The following GLDC variants were observed in gnomAD, a reference collection of about 807,000 sequenced individuals.
The protein encoded by GLDC is glycine decarboxylase.
In GLDC, 104 loss-of-function variants were observed where a neutral mutation model predicts 121.3. That is an observed-to-expected ratio of 0.86 (90% confidence interval 0.73 to 1.01). GLDC has a LOEUF of 1.01. Ranked by LOEUF, GLDC falls within the 50% of genes least tolerant of loss-of-function variation. The pLI is 0.00. For synonymous variants in GLDC, 546 were observed against 480.6 expected, an observed-to-expected ratio of 1.14 and a Z score of -1.78; for missense variants, 1,429 against 1,306.6, an observed-to-expected ratio of 1.09 and a Z score of -1.44.
In GLDC at chr9:6,554,780, A is replaced by C. The variant is rs1563835037; in HGVS notation, c.2204T>G (p.Val735Gly). The change falls in exon 19 of 25, where the codon GTG becomes GGG. Residue 735 changes from valine (V) to glycine (G), a missense_variant and splice_region_variant. Physicochemically the swap from Val to Gly is moderately radical, Grantham distance 109. Coordinates refer to ENST00000321612, the MANE Select transcript of GLDC (RefSeq NM_000170.3). ...YLDGANMNAQ[V>G]GICRPGDFGS... ...GAAGTCTCCAGGGCGACAGATTCCC[A>C]CCTACCACAAAGGCAAGGGCCAAAA... The C allele has an allele frequency of 6.2e-7, 1 of 1,610,038 alleles. No individual in the cohort carries two copies. The highest frequency in any genetic ancestry group is 8.5e-7 in the Non-Finnish European group (1 of 1,177,778).
At chr9:6,620,095 A>G in intron 3 of GLDC, 89 bp downstream of exon 3, 3 of 1,293,116 alleles carry the variant, frequency 2.3e-6, no homozygotes, top group Non-Finnish European at 3.4e-6. Flanking sequence ...GTCAGTGTGG[A>G]GGCTCTGAGA....
chr9:6,575,817 T>C (rs898844210), intron 15 of GLDC, among the ~76,000 whole-genome samples: 6 of 152,220 alleles, frequency 3.9e-5, no homozygotes, highest in Non-Finnish European at 7.4e-5. Flanking sequence ...ATTCCTAGAA[T>C]GTACTTATGA....
At chr9:6,614,840 C>T (rs1818936829) in intron 3 of GLDC, among the ~76,000 whole-genome samples, 1 of 152,166 alleles carries the variant, frequency 6.6e-6, no homozygotes, top group African/African-American at 2.4e-5. Flanking sequence ...ACCTAGGCTA[C>T]GTGATATAGC....
chr9:6,554,537 C>G, intron 19 of GLDC, 132 bp downstream of exon 19: 1 of 737,080 alleles, frequency 1.4e-6, no homozygotes, highest in Admixed American at 2.0e-5. Context: ...CCTCCCCCAG[C>G]CCCTACAAGT....
intron 15 of GLDC, among the ~76,000 whole-genome samples, chr9:6,574,138 A>G (rs1040800323): frequency 1.3e-5 from 2 of 149,992 alleles, no homozygotes; most frequent in African/African-American, 4.8e-5. Context: ...AGAGCGCCTC[A>G]GAGCAGTGGT....
At chr9:6,587,341 T>A (rs1818291904) in intron 14 of GLDC, 58 bp from the exon 15 acceptor site, 6 of 1,224,936 alleles carry the variant, frequency 4.9e-6, no homozygotes, top group Non-Finnish European at 6.0e-6. Context: ...ATAGCAATAA[T>A]AACTTTAATA....
intron 21 of GLDC, among the ~76,000 whole-genome samples, chr9:6,547,919 G>A (rs937797310): frequency 2.0e-5 from 3 of 152,162 alleles, no homozygotes; most frequent in African/African-American, 4.8e-5. Context: ...CACTAGAGCA[G>A]AGGAGTTCAA....
chr9:6,590,621 T>G (rs1052524844), intron 11 of GLDC, among the ~76,000 whole-genome samples: 1 of 152,218 alleles, frequency 6.6e-6, no homozygotes, highest in African/African-American at 2.4e-5. Flanking sequence ...AAGCAAACGC[T>G]TCTTGCACAG....
chr9:6,553,665 C>T (rs539397291), intron 19 of GLDC, among the ~76,000 whole-genome samples, 156 bp from the exon 20 acceptor site: 3 of 152,150 alleles, frequency 2.0e-5, no homozygotes, highest in East Asian at 1.9e-4. Context: ...GTTCAGGAAG[C>T]GATCCTTCCT....
chr9:6,624,799 C>T (rs2129965942), intron 2 of GLDC, among the ~76,000 whole-genome samples: 1 of 152,090 alleles, frequency 6.6e-6, no homozygotes, highest in South Asian at 2.1e-4. Context: ...ACCAGCCTGG[C>T]CAACATGGTG....
intron 21 of GLDC, among the ~76,000 whole-genome samples, chr9:6,543,365 G>A (rs546905796): frequency 7.2e-5 from 11 of 152,280 alleles, no homozygotes; most frequent in African/African-American, 2.6e-4. Context: ...ACAGCAGGGA[G>A]GGGAGGAGGG....
At chr9:6,590,868 C>T (rs1405022369) in intron 11 of GLDC, among the ~76,000 whole-genome samples, 1 of 152,174 alleles carries the variant, frequency 6.6e-6, no homozygotes, top group Non-Finnish European at 1.5e-5. Flanking sequence ...CACTGTGATG[C>T]TTCTTTGATC....
intron 8 of GLDC, among the ~76,000 whole-genome samples, chr9:6,595,756 G>C (rs905081622): frequency 1.3e-5 from 2 of 152,100 alleles, no homozygotes; most frequent in African/African-American, 4.8e-5. Flanking sequence ...TTGAACCCAG[G>C]ATTTCGAGGT....
chr9:6,606,092 G>C (rs948533690), intron 5 of GLDC: 1 of 162,742 alleles, frequency 6.1e-6, no homozygotes, highest in Non-Finnish European at 1.3e-5. Context: ...CGGGTCACGA[G>C]GTCAGGAGAT....
intron 18 of GLDC, among the ~76,000 whole-genome samples, chr9:6,555,169 T>C (rs1034550508): frequency 6.6e-6 from 1 of 152,240 alleles, no homozygotes; most frequent in Admixed American, 6.5e-5. Flanking sequence ...TACCTTCCCC[T>C]GCGTGGTCGG....
intron 22 of GLDC, among the ~76,000 whole-genome samples, chr9:6,537,887 T>A (rs2129655227): frequency 6.6e-6 from 1 of 152,322 alleles, no homozygotes; most frequent in East Asian, 1.9e-4. Context: ...TTATCACATC[T>A]ACTCATCCAG....
At chr9:6,588,748 A>G (rs765884925) in intron 12 of GLDC, 46 bp from the exon 13 acceptor site, 1 of 1,101,372 alleles carries the variant, frequency 9.1e-7, no homozygotes, top group African/African-American at 1.5e-5. Flanking sequence ...AGTAGATATG[A>G]GTCCATGCAC....
intron 15 of GLDC, among the ~76,000 whole-genome samples, chr9:6,577,694 C>T (rs1220293885): frequency 6.6e-6 from 1 of 152,044 alleles, no homozygotes; most frequent in East Asian, 1.9e-4. Flanking sequence ...CACCTATGCC[C>T]CTGTGCACAC....
chr9:6,620,399 G>C (rs1233009662), intron 2 of GLDC, 80 bp from the exon 3 acceptor site: 2 of 1,216,672 alleles, frequency 1.6e-6, no homozygotes, highest in South Asian at 1.2e-5. Context: ...CCCTCATTTT[G>C]TTTGAGTATT....
Sources: gnomAD v4.1 joint callset for allele counts (sites outside exome capture counted in the v4.1 genomes callset) on GRCh38, gnomAD v4.1.1 for gene constraint, MANE v1.5 for transcripts, NCBI Gene and HGNC (gene_info 2026-07-23, HGNC 2026-07-21) for gene names.